Variants in LACTB2 observed in about 807,000 individuals in gnomAD.
LACTB2 encodes endoribonuclease LACTB2.
Under a neutral mutation model 34.8 loss-of-function variants are expected in LACTB2, and 32 were observed. That is an observed-to-expected ratio of 0.92 (90% CI 0.69 to 1.24). The LOEUF (loss-of-function observed/expected upper bound fraction) is 1.24, where lower values mean the gene tolerates loss of function less well. Among genes scored for constraint, LACTB2 ranks in the 50% most tolerant of loss-of-function variants. The pLI is 0.00. For missense variants in LACTB2, 320 were observed against 345.0 expected (o/e 0.93, Z 0.57); for synonymous variants, 120 against 117.5 (o/e 1.02, Z -0.14).
chr8:70,667,985 C>G (rs1359302807), intron 1 of LACTB2, among the ~76,000 whole-genome samples: 1 of 152,186 alleles, frequency 6.6e-6, no homozygotes, highest in Non-Finnish European at 1.5e-5. Flanking sequence ...GCTTAATTCT[C>G]TATCCTCCTA....
At chr8:70,661,655 T>C in intron 2 of LACTB2, 79 bp downstream of exon 2, 1 of 1,269,148 alleles carries the variant, frequency 7.9e-7, no homozygotes. Flanking sequence ...GTTTATAGAC[T>C]ACTTAGCTCT....
intron 2 of LACTB2, among the ~76,000 whole-genome samples, chr8:70,658,418 A>G (rs1233551546): frequency 6.6e-6 from 1 of 152,180 alleles, no homozygotes; most frequent in African/African-American, 2.4e-5. Flanking sequence ...AAAATAAATT[A>G]ATTAACCAAT....
At chr8:70,645,186 G>A (rs1294619194) in intron 3 of LACTB2, among the ~76,000 whole-genome samples, 3 of 152,072 alleles carry the variant, frequency 2.0e-5, no homozygotes, top group Middle Eastern at 3.2e-3. Context: ...CATGTTCCTG[G>A]CTCACTGCAG....
At position 70,669,182 on chromosome 8, in the gene LACTB2, A is replaced by ACAGG; in HGVS notation, c.-63_-62insCCTG. The ACAGG allele has an allele frequency of 6.3e-7, 1 of 1,586,062 alleles. No homozygotes were observed. The highest frequency in any genetic ancestry group is 8.6e-7 in the Non-Finnish European group (1 of 1,166,126). ...GGATACTCCAGCGCGGAAGAAGCCA[A>ACAGG]CAGGCCGGGGATAGCGAGTAGCGTC... On this transcript the variant is annotated 5_prime_UTR_variant, in exon 1 of 7. Transcript: ENST00000276590.
In LACTB2 at chr8:70,651,761, C is replaced by T. The variant is rs929320061; in HGVS notation, c.413+5995G>A. On this transcript the variant is annotated intron_variant, in intron 3 of 6. Coordinates refer to ENST00000276590, the MANE Select transcript of LACTB2 (RefSeq NM_016027.3). ...ATCAGTAATCTCAATTCTCCAGTCA[C>T]CTGGGTGGCTGCTGTAATTTGCATA... 4 of 152,124 alleles carry T rather than the reference C, an allele frequency of 2.6e-5. No homozygotes were observed. In the South Asian group the frequency reaches 8.3e-4, roughly 31 times the overall value. 9.4% of individuals were successfully genotyped at this position (152,124 alleles called of 1,614,324 possible).
At chr8:70,657,101 G>C (rs1013026738) in intron 3 of LACTB2, among the ~76,000 whole-genome samples, 1 of 152,178 alleles carries the variant, frequency 6.6e-6, no homozygotes, top group Non-Finnish European at 1.5e-5. Context: ...CATGAGGTAT[G>C]ATCGGTCAGG....
rs56150459 is a variant in LACTB2 at position 70,643,517 on chromosome 8, G to GT, written c.592+547dup. On this transcript the variant is annotated intron_variant, in intron 4 of 6. Coordinates refer to ENST00000276590, the MANE Select transcript of LACTB2 (RefSeq NM_016027.3). ...TATATTTTAAAGAAGTAGTTGATAT[G>GT]TTTTTTTTTTCCCCCAGACAGAGTC... is the stretch of plus-strand genomic sequence containing the variant. Among the ~76,000 whole-genome samples, 183 of 148,298 alleles carry GT rather than the reference G, an allele frequency of 1.2e-3. 1 individual carries two copies. The highest frequency in any genetic ancestry group is 7.0e-3 in the Middle Eastern group (2 of 284).
intron 5 of LACTB2, among the ~76,000 whole-genome samples, chr8:70,639,309 G>A (rs1348851857): frequency 2.6e-5 from 4 of 151,738 alleles, no homozygotes; most frequent in African/African-American, 9.7e-5. Context: ...ACAGGCGTGT[G>A]CCACCATGCC....
intron 5 of LACTB2, among the ~76,000 whole-genome samples, chr8:70,640,024 G>C (rs35814896): frequency 3.9e-4 from 60 of 152,094 alleles, no homozygotes; most frequent in African/African-American, 1.4e-3. Context: ...GCAACGGTGC[G>C]ATGTAGGCTC....
At chr8:70,644,855 TA>T (rs1283492583) in intron 3 of LACTB2, among the ~76,000 whole-genome samples, 9 of 152,144 alleles carry the variant, frequency 5.9e-5, no homozygotes, top group Non-Finnish European at 2.9e-5. Flanking sequence ...GTAAAGTGTT[TA>T]AAAGAAATGA....
At chr8:70,642,108 C>T (rs868426599) in intron 4 of LACTB2, among the ~76,000 whole-genome samples, 17 of 152,172 alleles carry the variant, frequency 1.1e-4, no homozygotes, top group African/African-American at 3.6e-4. Flanking sequence ...TGCTAGTAAG[C>T]CAGTTCACTG....
At chr8:70,649,380 A>G (rs1818309029) in intron 3 of LACTB2, among the ~76,000 whole-genome samples, 1 of 152,212 alleles carries the variant, frequency 6.6e-6, no homozygotes, top group African/African-American at 2.4e-5. Flanking sequence ...AGAATCCATG[A>G]TGCATTTAAA....
At chr8:70,658,617 CAG>C (rs1818443005) in intron 2 of LACTB2, among the ~76,000 whole-genome samples, 1 of 152,046 alleles carries the variant, frequency 6.6e-6, no homozygotes, top group Non-Finnish European at 1.5e-5. Context: ...AGCAGGAGTT[CAG>C]AGAGAGTTAG....
intron 3 of LACTB2, among the ~76,000 whole-genome samples, chr8:70,645,550 T>C (rs1818253760): frequency 6.6e-6 from 1 of 152,086 alleles, no homozygotes; most frequent in African/African-American, 2.4e-5. Flanking sequence ...AACGTGCAGG[T>C]TAGTTACGTA....
At chr8:70,658,174 C>G (rs1818435930) in intron 2 of LACTB2, among the ~76,000 whole-genome samples, 1 of 152,172 alleles carries the variant, frequency 6.6e-6, no homozygotes, top group African/African-American at 2.4e-5. Flanking sequence ...GCTTCGGCAT[C>G]CTGACAAGTG....
intron 1 of LACTB2, 120 bp downstream of exon 1, chr8:70,668,878 CG>C: frequency 7.3e-6 from 10 of 1,369,600 alleles, no homozygotes; most frequent in Non-Finnish European, 9.8e-6. Flanking sequence ...CTGCTAGGCG[CG>C]GGGCTGCCCA....
At chr8:70,662,561 G>C (rs939069619) in intron 1 of LACTB2, 1 of 152,140 alleles carries the variant, frequency 6.6e-6, no homozygotes, top group African/African-American at 2.4e-5. Flanking sequence ...CCCATTAGCT[G>C]TATTTTTTGC....
chr8:70,660,703 C>T, intron 2 of LACTB2: 1 of 456,350 alleles, frequency 2.2e-6, no homozygotes, highest in Non-Finnish European at 4.4e-6. Flanking sequence ...ATATAACAGC[C>T]CTTGCCCTTC....
At chr8:70,665,456 G>C (rs1290389929) in intron 1 of LACTB2, among the ~76,000 whole-genome samples, 2 of 152,130 alleles carry the variant, frequency 1.3e-5, no homozygotes, top group Non-Finnish European at 1.5e-5. Context: ...GTCTCTATTT[G>C]CTGTCACTCT....
Sources: gnomAD v4.1 joint callset for allele counts (sites outside exome capture counted in the v4.1 genomes callset) on GRCh38, gnomAD v4.1.1 for gene constraint, MANE v1.5 for transcripts, NCBI Gene and HGNC (gene_info 2026-07-23, HGNC 2026-07-21) for gene names.